Variants in SLC22A31 observed in about 807,000 individuals in gnomAD.
SLC22A31 encodes putative solute carrier family 22 member 31.
In SLC22A31, 42 loss-of-function variants were observed where a neutral mutation model predicts 27.4. The ratio of observed to expected loss-of-function variants is 1.53; its 90% CI spans 1.20 to 1.98. The LOEUF is 1.98. Among genes scored for constraint, SLC22A31 ranks in the 30% most tolerant of loss-of-function variants. SLC22A31 has a pLI of 0.00. For missense variants in SLC22A31, 593 were observed against 479.9 expected, an observed-to-expected ratio of 1.24 and a Z score of -2.20; for synonymous variants, 290 against 230.8, an observed-to-expected ratio of 1.26 and a Z score of -2.33.
At position 89,199,289 on chromosome 16, in the gene SLC22A31, G is replaced by A. The variant is rs115589142; in HGVS notation, c.284-98C>T. 3,834 of 1,257,740 alleles carry A rather than the reference G, an allele frequency of 3.0e-3. 82 individuals are homozygous for A. In the African/African-American group the frequency reaches 0.049, roughly 16 times the overall value. 77.9% of individuals were successfully genotyped at this position (1,257,740 alleles called of 1,614,324 possible). ...ACCTATTGGTGACCTGCCCAGGAGC[G>A]GGATGCCCAAGGGACTCACTGCTCA... On this transcript the variant is annotated intron_variant, in intron 3 of 8. Transcript: ENST00000682282.
upstream of SLC22A31, chr16:89,201,355 G>C (rs1186275771): frequency 1.1e-5 from 2 of 187,086 alleles, no homozygotes; most frequent in African/African-American, 4.2e-4. Context: ...CGGGCGCGGG[G>C]CGCGGGCCCG....
Position 89,198,230 on chromosome 16 carries a change from A to T in SLC22A31, c.814T>A (p.Leu272Met), listed in dbSNP as rs1474000189. The change falls in exon 7 of 9, where the codon TTG (leucine) becomes ATG (methionine). Residue 272 changes from leucine to methionine, a missense_variant. Transcript: ENST00000682282. ...FLEAGLEAAA[L>M]VFLLLTADCC... Reference sequence around the variant, plus strand: ...TCTGCCGTCAGGAGCAGGAAGACCAAGGCTGCCGCCTCCAGGCCGGCCTCC... The same window carrying T: ...TCTGCCGTCAGGAGCAGGAAGACCATGGCTGCCGCCTCCAGGCCGGCCTCC... The T allele has an allele frequency of 1.3e-6, 2 of 1,535,772 alleles. No individual in the cohort carries two copies. Among genetic ancestry groups the T allele is most frequent in the Non-Finnish European group, 1.7e-6 (2 of 1,146,888 alleles).
In SLC22A31 at chr16:89,198,249, G is replaced by A. The variant is rs781637856; in HGVS notation, c.795C>T (p.Ala265=). The A allele has an allele frequency of 4.6e-5, 71 of 1,535,912 alleles. No homozygotes were observed. The South Asian group carries it at 4.8e-4, about 10-fold the overall frequency. The change falls in exon 7 of 9, where the codon GCC becomes GCT. Residue 265 remains alanine (A), a synonymous_variant. Coordinates refer to ENST00000682282, the MANE Select transcript of SLC22A31 (RefSeq NM_001384763.1). The stretch of plus-strand genomic sequence containing the variant: ...AGACCAAGGCTGCCGCCTCCAGGCC[G>A]GCCTCCAGGAAGTAGGGCAGGTAGA... ...PTFYLPYFLE[A]GLEAAALVFL...
At chr16:89,199,869 C>A (rs1320181425) in intron 1 of SLC22A31, 53 bp from the exon 2 acceptor site, 7 of 401,106 alleles carry the variant, frequency 1.7e-5, no homozygotes, top group Non-Finnish European at 2.2e-5. Flanking sequence ...CCCCTGGGGA[C>A]AGGTGCAGGG....
At chr16:89,197,616 T>C (rs1419303888) in intron 7 of SLC22A31, among the ~76,000 whole-genome samples, 1 of 152,210 alleles carries the variant, frequency 6.6e-6, no homozygotes, top group Non-Finnish European at 1.5e-5. Flanking sequence ...GTTAGAATCC[T>C]GACCCCGAGC....
At position 89,199,397 on chromosome 16, in the gene SLC22A31, C is replaced by G. The variant is rs570297178; in HGVS notation, c.283+16G>C. The G allele has an allele frequency of 1.3e-4, 77 of 589,590 alleles. No homozygotes were observed. Among genetic ancestry groups the G allele is most frequent in the Non-Finnish European group, 2.0e-4 (65 of 332,978 alleles). The allele number at this position is 589,590 out of a possible 1,614,324, so 36.5% of individuals were successfully genotyped here. On this transcript the variant is annotated intron_variant, in intron 3 of 8. Transcript: ENST00000682282. Reference sequence around the variant, plus strand: ...ACTGCCCCTCCCCCAGTGACAGCAGCCCCCAGGGTACTCACGAGCCAGATA... The same window carrying G: ...ACTGCCCCTCCCCCAGTGACAGCAGGCCCCAGGGTACTCACGAGCCAGATA...
Position 89,198,483 on chromosome 16 carries a change from G to C in SLC22A31, c.666C>G (p.Thr222=), listed in dbSNP as rs1279049499. The part of the protein sequence containing the change: ...RYHSPLGLLR[T]RVTWRNGLIL... Reference sequence around the variant, plus strand: ...TAAGCCCGTTTCTCCAGGTGACTCGGGTACGCAGAAGCCCCAGTGGGGAGT... The same window carrying C: ...TAAGCCCGTTTCTCCAGGTGACTCGCGTACGCAGAAGCCCCAGTGGGGAGT... Residue 222 remains threonine (T), a synonymous_variant, in exon 6 of 9, where the codon ACC becomes ACG. Transcript: ENST00000682282. The C allele has an allele frequency of 6.6e-7, 1 of 1,520,258 alleles. No homozygotes were observed. The highest frequency in any genetic ancestry group is 1.4e-5 in the African/African-American group (1 of 72,650). 94.2% of individuals were successfully genotyped at this position (1,520,258 alleles called of 1,614,324 possible).
chr16:89,201,338 T>C (rs1358160178), upstream of SLC22A31: 3 of 323,948 alleles, frequency 9.3e-6, no homozygotes, highest in East Asian at 1.4e-4. Context: ...CCGGGTGCCG[T>C]TGCGTGCGGG....
At chr16:89,198,998 C>T in intron 4 of SLC22A31, 25 bp downstream of exon 4, 1 of 1,531,028 alleles carries the variant, frequency 6.5e-7, no homozygotes, top group Non-Finnish European at 8.7e-7. Flanking sequence ...ATGAGGGCTG[C>T]TGGCCCAGCT....
At position 89,197,305 on chromosome 16, in the gene SLC22A31, C is replaced by A. The variant is rs1597318675; in HGVS notation, c.1027G>T (p.Val343Leu). ...GGCAACCCTGAAGCTCACCTGATCACCGTGGGGAAGACCTCGGCCGCGAAG... is the reference window on the plus strand; with the variant it reads ...GGCAACCCTGAAGCTCACCTGATCAACGTGGGGAAGACCTCGGCCGCGAAG... ...SLFAAEVFPT[V>L]IRGAGLGLVL... The change falls in exon 8 of 9, where the codon GTG becomes TTG. Residue 343 changes from valine to leucine, a missense_variant. Coordinates refer to ENST00000682282, the MANE Select transcript of SLC22A31 (RefSeq NM_001384763.1). 3.9e-6 allele frequency: 6 copies of A among 1,535,604 alleles called. No individual in the cohort carries two copies. The highest frequency in any genetic ancestry group is 5.2e-6 in the Non-Finnish European group (6 of 1,146,674).
chr16:89,201,573 A>G, upstream of SLC22A31: 1 of 398,744 alleles, frequency 2.5e-6, no homozygotes, highest in Non-Finnish European at 4.4e-6. Flanking sequence ...CAGCCCCAGC[A>G]CTATGCAGGG....
intron 8 of SLC22A31, among the ~76,000 whole-genome samples, chr16:89,196,667 GC>G (rs1192679023): frequency 6.6e-6 from 1 of 152,236 alleles, no homozygotes; most frequent in Non-Finnish European, 1.5e-5. Flanking sequence ...CTGGAAAGTG[GC>G]CGGGCACAGT....
In SLC22A31 at chr16:89,199,043, T is replaced by A. The variant is rs1451106390; in HGVS notation, c.432A>T (p.Gly144=). ...CTTACCCCCAAAAGAGCAGCAAGAGTCCACTCATCAGGGCACCCAGCCCCT... is the reference window on the plus strand; with the variant it reads ...CTTACCCCCAAAAGAGCAGCAAGAGACCACTCATCAGGGCACCCAGCCCCT... The part of the protein sequence containing the change: ...LLQGLGALMS[G]LLLLFWGFPA... The change falls in exon 4 of 9, where the codon GGA becomes GGT. Residue 144 remains glycine (G), a synonymous_variant. Transcript: ENST00000682282. The A allele has an allele frequency of 6.5e-7, 1 of 1,531,542 alleles. No homozygotes were observed. Among genetic ancestry groups the A allele is most frequent in the Non-Finnish European group, 8.7e-7 (1 of 1,145,438 alleles). 94.9% of individuals were successfully genotyped at this position (1,531,542 alleles called of 1,614,324 possible). A position where few individuals can be genotyped will look rare whatever the true frequency, so the allele number is the denominator to read the frequency against.
In SLC22A31 at chr16:89,196,203, G is replaced by T. The variant is rs778983969; in HGVS notation, c.1137C>A (p.Val379=). ...HGRQGFFLQQ[V]VFASLAVLAL... The stretch of plus-strand genomic sequence containing the variant: ...CAAGGACAGCAAGGGAGGCGAAGAC[G>T]ACTTGTTGCAGGAAGAAGCCCTGCC... The change falls in exon 9 of 9, where the codon GTC becomes GTA. Residue 379 remains valine (V), a synonymous_variant. Transcript: ENST00000682282. 3.3e-6 allele frequency: 5 copies of T among 1,535,064 alleles called. No homozygotes were observed. The highest frequency in any genetic ancestry group is 1.2e-5 in the South Asian group (1 of 84,050).
At chr16:89,197,557 G>A (rs551462856) in intron 7 of SLC22A31, 148 bp from the exon 8 acceptor site, 5 of 610,156 alleles carry the variant, frequency 8.2e-6, no homozygotes, top group East Asian at 5.6e-5. Flanking sequence ...CCTGGAGGGG[G>A]AACCTGTCCT....
At chr16:89,199,853 G>C (rs779911543) in intron 1 of SLC22A31, 37 bp from the exon 2 acceptor site, 35 of 401,570 alleles carry the variant, frequency 8.7e-5, no homozygotes, top group African/African-American at 7.0e-4. Context: ...GCCAGCTCAG[G>C]ACCCTCCCCT....
chr16:89,196,503 G>C, intron 8 of SLC22A31, 198 bp from the exon 9 acceptor site: 1 of 978,798 alleles, frequency 1.0e-6, no homozygotes, highest in Non-Finnish European at 1.5e-6. Context: ...AGCTGGTGGG[G>C]CAACAGATTG....
chr16:89,197,424 C>A lies in SLC22A31; in HGVS notation c.923-15G>T. The A allele has an allele frequency of 1.3e-6, 2 of 1,522,410 alleles. No homozygotes were observed. The highest frequency in any genetic ancestry group is 4.9e-5 in the East Asian group (2 of 40,842). 94.3% of individuals were successfully genotyped at this position (1,522,410 alleles called of 1,614,324 possible). On this transcript the variant is annotated splice_polypyrimidine_tract_variant and intron_variant, in intron 7 of 8. Coordinates refer to ENST00000682282, the MANE Select transcript of SLC22A31 (RefSeq NM_001384763.1). ...GCCTGGCAGATCTGGGGACAAAGAA[C>A]AGGGGTTCCCAGGCTCTCTCCCCAG...
At position 89,199,448 on chromosome 16, in the gene SLC22A31, G is replaced by A. The variant is rs1303873536; in HGVS notation, c.248C>T (p.Thr83Ile). 5.6e-6 allele frequency: 3 copies of A among 539,788 alleles called. No homozygotes were observed. The highest frequency in any genetic ancestry group is 5.6e-5 in the South Asian group (2 of 35,470). The allele number at this position is 539,788 out of a possible 1,614,324, so 33.4% of individuals were successfully genotyped here. A position where few individuals can be genotyped will look rare whatever the true frequency, so the allele number is the denominator to read the frequency against. Residue 83 changes from threonine (T) to isoleucine (I), a missense_variant, in exon 3 of 9, where the codon ACA (threonine) becomes ATA (isoleucine). Transcript: ENST00000682282. ...CAGGGCGAGGAGGGCCCCTGCCAAT[G>A]TGCCCCCGTGGAGTAGGCGCAGGAC... The part of the protein sequence containing the change: ...LLVLRLLHGG[T>I]LAGALLALYL...
Sources: allele counts gnomAD v4.1 joint callset (sites outside exome capture counted in the v4.1 genomes callset), GRCh38; gene constraint gnomAD v4.1.1; transcripts MANE v1.5; gene names NCBI Gene and HGNC (gene_info 2026-07-23, HGNC 2026-07-21).